KIF17: variants seen among roughly 807,000 people sequenced by gnomAD.
The protein encoded by KIF17 is kinesin-like protein KIF17.
A neutral mutation model predicts 96.8 loss-of-function variants in KIF17; 80 were observed. The observed-to-expected ratio is 0.83, with a 90% CI of 0.69 to 1.00. The LOEUF (loss-of-function observed/expected upper bound fraction) is 1.00, where lower values mean the gene tolerates loss of function less well. Ranked by LOEUF, KIF17 falls within the 50% of genes least tolerant of loss-of-function variation. The probability of loss-of-function intolerance (pLI) is 0.00; values close to 1 mark genes in which losing one functional copy is unlikely to be tolerated. For synonymous variants in KIF17, 567 were observed against 587.5 expected (o/e 0.97, Z 0.51); for missense variants, 1,280 against 1,372.9 (o/e 0.93, Z 1.07).
intron 2 of KIF17, among the ~76,000 whole-genome samples, chr1:20,713,848 C>G (rs1033102886): frequency 6.6e-6 from 1 of 152,040 alleles, no homozygotes; most frequent in Admixed American, 6.6e-5. Context: ...CCTCGTTATT[C>G]AGGTTAAAAA....
intron 13 of KIF17, among the ~76,000 whole-genome samples, chr1:20,669,969 G>A (rs1246658719): frequency 7.3e-6 from 1 of 136,548 alleles, no homozygotes; most frequent in Non-Finnish European, 1.5e-5. Flanking sequence ...TAGGAGATAG[G>A]TCTTGCCACT....
intron 3 of KIF17, among the ~76,000 whole-genome samples, chr1:20,711,769 T>C (rs2054440938): frequency 6.6e-6 from 1 of 152,218 alleles, no homozygotes; most frequent in Non-Finnish European, 1.5e-5. Flanking sequence ...CGATCGGGCC[T>C]GTGTTAAGCA....
At position 20,664,801 on chromosome 1, in the gene KIF17, C is replaced by T. The variant is rs759828205; in HGVS notation, c.2909-39G>A. On this transcript the variant is annotated intron_variant, in intron 14 of 14. Transcript: ENST00000400463. ...GGCAGAGGTGCTGGTAAGCCAGGAG[C>T]GCAGGGATGGAGAGAAAATGCCCCA... The T allele has an allele frequency of 1.4e-5, 23 of 1,589,450 alleles. No individual in the cohort carries two copies. In the Admixed American group the frequency reaches 1.7e-4, roughly 12 times the overall value.
Position 20,709,976 on chromosome 1 carries a change from G to T in KIF17, c.481-148C>A. 1 of 769,196 alleles carries T rather than the reference G, an allele frequency of 1.3e-6. No homozygotes were observed. The highest frequency in any genetic ancestry group is 2.2e-6 in the Non-Finnish European group (1 of 452,630). 47.6% of individuals were successfully genotyped at this position (769,196 alleles called of 1,614,324 possible). A position where few individuals can be genotyped will look rare whatever the true frequency, so the allele number is the denominator to read the frequency against. On this transcript the variant is annotated intron_variant, in intron 3 of 14. Coordinates refer to ENST00000400463, the MANE Select transcript of KIF17 (RefSeq NM_001122819.3). This position sits in a 1 kb window ranked among gnomAD's most constrained non-coding sequence, Gnocchi z 4.7. ...TGGCACCTCACATGCCTGTCACAGG[G>T]AGGGGTGTGTTCCAGGCCCAGCCAG...
chr1:20,690,219 G>A lies in KIF17; in HGVS notation c.1350C>T (p.Ser450=), dbSNP rs772817497. ...CCTTCCGCAGGTTCTCCTCCAGCGT[G>A]GACAGCCTGACGTCATATGAGTTGC... ...AMRNSYDVRL[S]TLEENLRKET... Residue 450 remains serine (S), a synonymous_variant, in exon 7 of 15, where the codon TCC becomes TCT. Coordinates refer to ENST00000400463, the MANE Select transcript of KIF17 (RefSeq NM_001122819.3). 6.2e-7 allele frequency: 1 copy of A among 1,614,136 alleles called. No individual in the cohort carries two copies. Among genetic ancestry groups the A allele is most frequent in the Non-Finnish European group, 8.5e-7 (1 of 1,180,034 alleles).
chr1:20,679,573 C>A (rs1190192121), intron 11 of KIF17, among the ~76,000 whole-genome samples: 1 of 152,154 alleles, frequency 6.6e-6, no homozygotes, highest in Non-Finnish European at 1.5e-5. Context: ...AAAGATGAGG[C>A]AGGAGTGGAG....
At chr1:20,676,891 T>G (rs1432411400) in intron 11 of KIF17, among the ~76,000 whole-genome samples, 1 of 151,628 alleles carries the variant, frequency 6.6e-6, no homozygotes, top group Admixed American at 6.6e-5. Flanking sequence ...GAGATATTAT[T>G]TCTCACCTAA....
At chr1:20,664,788 G>T in intron 14 of KIF17, 26 bp from the exon 15 acceptor site, 10 of 1,606,254 alleles carry the variant, frequency 6.2e-6, no homozygotes, top group Non-Finnish European at 8.5e-6. Context: ...CAGAGGTGCT[G>T]GTAAGCCAGG....
At position 20,672,256 on chromosome 1, in the gene KIF17, AC is replaced by A; in HGVS notation, c.2464-61del. On this transcript the variant is annotated intron_variant, in intron 11 of 14. Transcript: ENST00000400463. The surrounding 1 kb of genome is among the most constrained non-coding windows in gnomAD (Gnocchi z 4.3). The stretch of plus-strand genomic sequence containing the variant: ...AAGATACCTCCCCTTCCATCTAACC[AC>A]CCTGTCCACTCACTGTCCTGCCAGC... 1 of 1,589,932 alleles carries A rather than the reference AC, an allele frequency of 6.3e-7. No individual in the cohort carries two copies. Among genetic ancestry groups the A allele is most frequent in the Admixed American group, 1.7e-5 (1 of 57,460 alleles).
In KIF17 at chr1:20,704,307, T is replaced by C; in HGVS notation, c.1123+140A>G. 2 of 749,568 alleles carry C rather than the reference T, an allele frequency of 2.7e-6. No homozygotes were observed. Among genetic ancestry groups the C allele is most frequent in the Non-Finnish European group, 4.6e-6 (2 of 432,180 alleles). 46.4% of individuals were successfully genotyped at this position (749,568 alleles called of 1,614,324 possible). A position where few individuals can be genotyped will look rare whatever the true frequency, so the allele number is the denominator to read the frequency against. On this transcript the variant is annotated intron_variant, in intron 5 of 14. Coordinates refer to ENST00000400463, the MANE Select transcript of KIF17 (RefSeq NM_001122819.3). This position sits in a 1 kb window ranked among gnomAD's most constrained non-coding sequence, Gnocchi z 6.8. Reference sequence around the variant, plus strand: ...TCTGGGCCGTCTCCAACCAGGGCCCTGCGCTCACATGGGGCTGAGGGGTGG... The same window carrying C: ...TCTGGGCCGTCTCCAACCAGGGCCCCGCGCTCACATGGGGCTGAGGGGTGG...
chr1:20,706,617 G>A (rs1007746381), intron 4 of KIF17, among the ~76,000 whole-genome samples: 4 of 150,824 alleles, frequency 2.7e-5, no homozygotes, highest in Non-Finnish European at 4.4e-5. Context: ...ACAGGCCAGG[G>A]GCAGTAGCTC....
At chr1:20,706,589 T>TCAACAA (rs35151796) in intron 4 of KIF17, among the ~76,000 whole-genome samples, 1 of 150,740 alleles carries the variant, frequency 6.6e-6, no homozygotes, top group African/African-American at 2.4e-5. Context: ...AGATTCTGTC[T>TCAACAA]CAACAACAAC....
In KIF17 at chr1:20,670,437, T is replaced by G. The variant is rs753167464; in HGVS notation, c.2774A>C (p.Asn925Thr). 5 of 1,613,856 alleles carry G rather than the reference T, an allele frequency of 3.1e-6. No homozygotes were observed. In the South Asian group the frequency reaches 5.5e-5, roughly 18 times the overall value. Residue 925 changes from asparagine (N) to threonine (T), a missense_variant, in exon 13 of 15, where the codon AAT (asparagine) becomes ACT (threonine). Transcript: ENST00000400463. ...GGTCCTCACCATGTTCGGCTCGCCA[T>G]TGTCTGCTGCAGAGGTTTTGCGGGC... ...KPARKTSAAD[N>T]GEPNMEDDRY...
chr1:20,670,435 C>T lies in KIF17; in HGVS notation c.2776G>A (p.Gly926Ser), dbSNP rs755577581. 7 of 1,613,882 alleles carry T rather than the reference C, an allele frequency of 4.3e-6. No homozygotes were observed. The highest frequency in any genetic ancestry group is 5.9e-6 in the Non-Finnish European group (7 of 1,180,032). ...PARKTSAADN[G>S]EPNMEDDRYR... Reference sequence around the variant, plus strand: ...GCGGTCCTCACCATGTTCGGCTCGCCATTGTCTGCTGCAGAGGTTTTGCGG... The same window carrying T: ...GCGGTCCTCACCATGTTCGGCTCGCTATTGTCTGCTGCAGAGGTTTTGCGG... The change falls in exon 13 of 15, where the codon GGC (glycine) becomes AGC (serine). Residue 926 changes from glycine (G) to serine (S), a missense_variant. Coordinates refer to ENST00000400463, the MANE Select transcript of KIF17 (RefSeq NM_001122819.3).
chr1:20,665,874 C>T (rs1158058574), intron 14 of KIF17, among the ~76,000 whole-genome samples: 1 of 152,180 alleles, frequency 6.6e-6, no homozygotes, highest in African/African-American at 2.4e-5. Context: ...GCGTGTGACT[C>T]GCCAGGAAGC....
rs777286478 is a variant in KIF17, at chr1:20,715,589, G to A, written c.282C>T (p.Gly94=). The A allele has an allele frequency of 1.9e-6, 3 of 1,613,184 alleles. No homozygotes were observed. Among genetic ancestry groups the A allele is most frequent in the Admixed American group, 1.7e-5 (1 of 59,962 alleles). Residue 94 remains glycine (G), a synonymous_variant, in exon 2 of 15, where the codon GGC becomes GGT. Transcript: ENST00000400463. ...NGTIFAYGQT[G]SGKSFTMQGL... Reference sequence around the variant, plus strand: ...CCTGCATGGTGAAGGACTTCCCGCTGCCTGTCTGGCCGTAGGCAAAGATGG... The same window carrying A: ...CCTGCATGGTGAAGGACTTCCCGCTACCTGTCTGGCCGTAGGCAAAGATGG...
chr1:20,702,515 G>A (rs190201350), intron 5 of KIF17, among the ~76,000 whole-genome samples: 1 of 151,888 alleles, frequency 6.6e-6, no homozygotes, highest in East Asian at 1.9e-4. Flanking sequence ...GGAAAGAGGA[G>A]GAAGGCAGAT....
chr1:20,667,133 C>G (rs956505471), intron 13 of KIF17, among the ~76,000 whole-genome samples: 37 of 152,208 alleles, frequency 2.4e-4, no homozygotes, highest in African/African-American at 8.9e-4. Flanking sequence ...AACTGGGCTG[C>G]ACAGCAGGAA....
At position 20,704,243 on chromosome 1, in the gene KIF17, G is replaced by T. The variant is rs563555595; in HGVS notation, c.1123+204C>A. The stretch of plus-strand genomic sequence containing the variant: ...CTGCGTCAGATGGGACAGGCCAGAC[G>T]GACTGCCCTCCTCCCAGGACACTGA... On this transcript the variant is annotated intron_variant, in intron 5 of 14. Coordinates refer to ENST00000400463, the MANE Select transcript of KIF17 (RefSeq NM_001122819.3). This position sits in a 1 kb window ranked among gnomAD's most constrained non-coding sequence, Gnocchi z 6.8. 6.6e-6 allele frequency among the ~76,000 whole-genome samples: 1 copy of T among 152,206 alleles called. No homozygotes were observed. The highest frequency in any genetic ancestry group is 1.9e-4 in the East Asian group (1 of 5,178).
Sources: allele counts gnomAD v4.1 joint callset (sites outside exome capture counted in the v4.1 genomes callset), GRCh38; gene constraint gnomAD v4.1.1; non-coding constraint Gnocchi (gnomAD v3.1); transcripts MANE v1.5; gene names NCBI Gene and HGNC (gene_info 2026-07-23, HGNC 2026-07-21).